Variants in BRSK2 observed in about 807,000 individuals in gnomAD.
The protein encoded by BRSK2 is BR serine/threonine kinase 2.
In BRSK2, 19 loss-of-function variants were observed where a neutral mutation model predicts 83.3. That is an observed-to-expected ratio of 0.23 (90% CI 0.16 to 0.33). The LOEUF (loss-of-function observed/expected upper bound fraction) is 0.33. Among genes scored for constraint, BRSK2 ranks in the 10% least tolerant of loss-of-function variants. The pLI is 1.00. For synonymous variants in BRSK2, 519 were observed against 435.4 expected, an observed-to-expected ratio of 1.19 and a Z score of -2.39; for missense variants, 798 against 1,042.3, an observed-to-expected ratio of 0.77 and a Z score of 3.23.
In BRSK2 at chr11:1,424,394, A is replaced by G. The variant is rs377464473; in HGVS notation, c.92-11646A>G. On this transcript the variant is annotated intron_variant, in intron 1 of 19. Transcript: ENST00000528841. ...AGGACAGGGAGAGCCAGGTGGGGAC[A>G]AGGTGTCCTGCCGGGGTGGCCCCCA... is the stretch of plus-strand genomic sequence containing the variant. 3.0e-4 allele frequency among the ~76,000 whole-genome samples: 45 copies of G among 152,292 alleles called. 1 individual carries two copies. Among genetic ancestry groups the G allele is most frequent in the African/African-American group, 1.0e-3 (43 of 41,564 alleles).
At position 1,460,740 on chromosome 11, in the gene BRSK2, C is replaced by T. The variant is rs563780599; in HGVS notation, c.*17C>T. On this transcript the variant is annotated 3_prime_UTR_variant, in exon 20 of 20. Coordinates refer to ENST00000528841, the MANE Select transcript of BRSK2 (RefSeq NM_001256627.2). ...CAGCCTTAGACACACTAGCCCCCCC[C>T]CCCAGCACAGCACTGACAGCGGCTG... is the stretch of plus-strand genomic sequence containing the variant. 1.8e-5 allele frequency: 26 copies of T among 1,415,824 alleles called. No homozygotes were observed. The highest frequency in any genetic ancestry group is 1.1e-4 in the East Asian group (4 of 37,278). 87.7% of individuals were successfully genotyped at this position (1,415,824 alleles called of 1,614,324 possible).
In BRSK2 at chr11:1,398,947, C is replaced by T. The variant is rs569311147; in HGVS notation, c.91+8572C>T. ...GAGACTGGCCCTTGGCACCCGCGGC[C>T]GTCCCTGGCTTTCGTCCTGCGCCGT... On this transcript the variant is annotated intron_variant, in intron 1 of 19. Transcript: ENST00000528841. Among the ~76,000 whole-genome samples, 6 of 152,324 alleles carry T rather than the reference C, an allele frequency of 3.9e-5. No homozygotes were observed. In the East Asian group the frequency reaches 7.7e-4, roughly 20 times the overall value.
rs746943778 is a variant in BRSK2, at chr11:1,440,974, A to G, written c.413+46A>G. 14 of 1,452,790 alleles carry G rather than the reference A, an allele frequency of 9.6e-6. No individual in the cohort carries two copies. In the East Asian group the frequency reaches 3.0e-4, roughly 31 times the overall value. The allele number at this position is 1,452,790 out of a possible 1,614,324, so 90.0% of individuals were successfully genotyped here. A position where few individuals can be genotyped will look rare whatever the true frequency, so the allele number is the denominator to read the frequency against. ...CCCCCCACTCCCCAGGGACCCCCAC[A>G]CCCAGTGCGCTACCACAGATGCCCC... On this transcript the variant is annotated intron_variant, in intron 4 of 19. Coordinates refer to ENST00000528841, the MANE Select transcript of BRSK2 (RefSeq NM_001256627.2).
intron 13 of BRSK2, among the ~76,000 whole-genome samples, chr11:1,450,194 C>T (rs376842153): frequency 1.2e-3 from 176 of 152,084 alleles, no homozygotes; most frequent in South Asian, 4.4e-3. Flanking sequence ...TGCCCCCACC[C>T]CGCTCGCTCC....
chr11:1,450,177 G>A (rs371113445), intron 13 of BRSK2, among the ~76,000 whole-genome samples: 18 of 151,620 alleles, frequency 1.2e-4, no homozygotes, highest in Admixed American at 6.6e-4. Flanking sequence ...TGCATGTGCC[G>A]CGCGGCTGCC....
At chr11:1,422,645 A>G (rs1159657329) in intron 1 of BRSK2, among the ~76,000 whole-genome samples, 2 of 152,150 alleles carry the variant, frequency 1.3e-5, no homozygotes, top group Non-Finnish European at 2.9e-5. Context: ...CCTGCTTCCA[A>G]GGACACTCCT....
chr11:1,401,181 C>T (rs865906792), intron 1 of BRSK2, among the ~76,000 whole-genome samples: 2 of 152,340 alleles, frequency 1.3e-5, no homozygotes, highest in African/African-American at 4.8e-5. Flanking sequence ...TCTAGGCTCC[C>T]GTCTTCACAG....
At chr11:1,459,051 C>A in intron 18 of BRSK2, 141 bp from the exon 19 acceptor site, 1 of 797,088 alleles carries the variant, frequency 1.3e-6, no homozygotes, top group Admixed American at 2.0e-5. Flanking sequence ...CTGGCCCCCC[C>A]AGTATTCCCC....
chr11:1,461,334 G>C lies in BRSK2; in HGVS notation c.*611G>C. On this transcript the variant is annotated 3_prime_UTR_variant, in exon 20 of 20. Transcript: ENST00000528841. ...CACCTGGAGGCCTCCTCGCAGGCCC[G>C]TGCCCCGCCTCCCTGGCTGCGCCGC... is the stretch of plus-strand genomic sequence containing the variant. The C allele has an allele frequency of 2.7e-6, 1 of 364,482 alleles. No individual in the cohort carries two copies. The highest frequency in any genetic ancestry group is 3.0e-5 in the South Asian group (1 of 33,080). The allele number at this position is 364,482 out of a possible 1,614,324, so 22.6% of individuals were successfully genotyped here.
At chr11:1,446,262 G>A (rs1391907268) in intron 12 of BRSK2, among the ~76,000 whole-genome samples, 2 of 132,880 alleles carry the variant, frequency 1.5e-5, no homozygotes, top group Non-Finnish European at 3.2e-5. Context: ...GCAGGGTTGA[G>A]TTGAATTAGG....
chr11:1,429,137 T>TGCGTGTGCGCACAGGTGC (rs1849625061), intron 1 of BRSK2, among the ~76,000 whole-genome samples: 1 of 141,248 alleles, frequency 7.1e-6, no homozygotes, highest in Non-Finnish European at 1.5e-5. Flanking sequence ...TGGGTGTGTG[T>TGCGTGTGCGCACAGGTGC]GCACGTGTGC....
chr11:1,412,685 C>G (rs1847653543), intron 1 of BRSK2, among the ~76,000 whole-genome samples: 1 of 152,220 alleles, frequency 6.6e-6, no homozygotes, highest in Non-Finnish European at 1.5e-5. Context: ...AAAACCTTTA[C>G]TGAGCCAGGG....
At chr11:1,429,294 G>T (rs1330504812) in intron 1 of BRSK2, among the ~76,000 whole-genome samples, 1 of 108,984 alleles carries the variant, frequency 9.2e-6, no homozygotes, top group Non-Finnish European at 1.7e-5. Context: ...TGTGCACTGG[G>T]CGTGTGTCCT....
intron 1 of BRSK2, among the ~76,000 whole-genome samples, chr11:1,398,372 C>T (rs1846254812): frequency 6.6e-6 from 1 of 152,284 alleles, no homozygotes; most frequent in Middle Eastern, 3.4e-3. Flanking sequence ...GACGTTGCTG[C>T]CCTGGGTCCG....
At chr11:1,448,320 G>A (rs1852460912) in intron 12 of BRSK2, among the ~76,000 whole-genome samples, 1 of 152,200 alleles carries the variant, frequency 6.6e-6, no homozygotes, top group Non-Finnish European at 1.5e-5. Context: ...AGCCTGGGCG[G>A]GTGGCGCCGC....
chr11:1,433,792 C>T (rs1481142281), intron 1 of BRSK2, among the ~76,000 whole-genome samples: 1 of 152,248 alleles, frequency 6.6e-6, no homozygotes, highest in Non-Finnish European at 1.5e-5. Flanking sequence ...AGCTCTTCCT[C>T]CATGAGCACA....
chr11:1,446,059 TGGGCTGGGCTTGGCTGGGCTG>T (rs1852018906), intron 12 of BRSK2, 152 bp downstream of exon 12: 23 of 228,978 alleles, frequency 1.0e-4, no homozygotes, highest in African/African-American at 4.7e-4. Flanking sequence ...TGGGCTGGGC[TGGGCTGGGCTTGGCTGGGCTG>T]GGCTGGGCTT....
intron 2 of BRSK2, among the ~76,000 whole-genome samples, chr11:1,436,922 G>A (rs745932096): frequency 6.6e-6 from 1 of 151,836 alleles, no homozygotes; most frequent in Non-Finnish European, 1.5e-5. Flanking sequence ...ACTGTGACAT[G>A]TTGGGCACCC....
intron 1 of BRSK2, among the ~76,000 whole-genome samples, chr11:1,399,365 A>C (rs1177254642): frequency 6.6e-6 from 1 of 152,174 alleles, no homozygotes; most frequent in Non-Finnish European, 1.5e-5. Context: ...CACTGGGGCC[A>C]GCGTCAGCCT....
Sources: gnomAD v4.1 joint callset for allele counts (sites outside exome capture counted in the v4.1 genomes callset) on GRCh38, gnomAD v4.1.1 for gene constraint, MANE v1.5 for transcripts, NCBI Gene and HGNC (gene_info 2026-07-23, HGNC 2026-07-21) for gene names.